The following CELSR2 variants were observed in gnomAD, a reference collection of about 807,000 sequenced individuals.
The protein encoded by CELSR2 is EGF-like protein 2.
CELSR2 carries 81 observed loss-of-function variants against 251.6 expected under a neutral mutation model. The ratio of observed to expected loss-of-function variants is 0.32; its 90% CI spans 0.27 to 0.39. CELSR2 has a LOEUF of 0.39. CELSR2 is among the 10% of genes least tolerant of loss of function. The pLI is 1.00. For synonymous variants in CELSR2, 1,721 were observed against 1,670.5 expected, an observed-to-expected ratio of 1.03 and a Z score of -0.74; for missense variants, 3,365 against 3,947.7, an observed-to-expected ratio of 0.85 and a Z score of 3.96.
At position 109,268,041 on chromosome 1, in the gene CELSR2, A is replaced by T; in HGVS notation, c.6299A>T (p.Gln2100Leu). ...TQRGFGLSAT[Q>L]DVHFTENLLR... ...CGGGGCTTTGGGCTGTCTGCCACAC[A>T]GGACGTGCACTTCACTGAGGTGGGG... Residue 2100 changes from glutamine to leucine, a missense_variant, in exon 17 of 34, where the codon CAG becomes CTG. Coordinates refer to ENST00000271332, the MANE Select transcript of CELSR2 (RefSeq NM_001408.3). The T allele has an allele frequency of 6.2e-7, 1 of 1,603,522 alleles. No individual in the cohort carries two copies. The highest frequency in any genetic ancestry group is 8.5e-7 in the Non-Finnish European group (1 of 1,176,836).
chr1:109,261,277 G>A lies in CELSR2; in HGVS notation c.4181+13G>A. ...CCCTGGCCCTCTCGTGAGTGGCTGG[G>A]CACTGGGGGTGGGGAGTGGGCCTGG... On this transcript the variant is annotated intron_variant, in intron 3 of 33. Coordinates refer to ENST00000271332, the MANE Select transcript of CELSR2 (RefSeq NM_001408.3). This position sits in a 1 kb window ranked among gnomAD's most constrained non-coding sequence, Gnocchi z 4.8. The A allele has an allele frequency of 1.9e-6, 3 of 1,610,288 alleles. No homozygotes were observed. Among genetic ancestry groups the A allele is most frequent in the Admixed American group, 1.7e-5 (1 of 59,962 alleles).
Position 109,259,026 on chromosome 1 carries a change from G to T in CELSR2, c.3905G>T (p.Arg1302Leu), listed in dbSNP as rs769079305. 1.9e-6 allele frequency: 3 copies of T among 1,599,204 alleles called. No homozygotes were observed. Among genetic ancestry groups the T allele is most frequent in the Non-Finnish European group, 1.7e-6 (2 of 1,177,032 alleles). Residue 1302 changes from arginine (R) to leucine (L), a missense_variant, in exon 2 of 34, where the codon CGC becomes CTC. Physicochemically the swap from Arg to Leu is moderately radical, Grantham distance 102. Transcript: ENST00000271332. ...CYSRPCGPHG[R>L]CRSREGGYTC... ...TCGCGGCCCTGTGGCCCCCACGGGCGCTGCCGCAGCCGCGAGGGCGGCTAC... is the reference window on the plus strand; with the variant it reads ...TCGCGGCCCTGTGGCCCCCACGGGCTCTGCCGCAGCCGCGAGGGCGGCTAC...
rs1318010194 is a variant in CELSR2 at position 109,261,201 on chromosome 1, C to T, written c.4118C>T (p.Pro1373Leu). 6.2e-7 allele frequency: 1 copy of T among 1,614,120 alleles called. No individual in the cohort carries two copies. Among genetic ancestry groups the T allele is most frequent in the South Asian group, 1.1e-5 (1 of 91,086 alleles). The change falls in exon 3 of 34, where the codon CCC becomes CTC. Residue 1373 changes from proline to leucine, a missense_variant. By Grantham distance (98) the Pro-to-Leu change is moderately conservative (BLOSUM62 -3). Transcript: ENST00000271332. This position sits in a 1 kb window ranked among gnomAD's most constrained non-coding sequence, Gnocchi z 4.8. ...PYCQVTTRSF[P>L]AHSFITFRGL... ...TGCCAGGTGACCACGCGCAGCTTCC[C>T]CGCCCACTCCTTCATCACCTTTCGC...
intron 1 of CELSR2, among the ~76,000 whole-genome samples, chr1:109,253,593 G>A (rs1212121057): frequency 6.6e-6 from 1 of 152,228 alleles, no homozygotes; most frequent in Non-Finnish European, 1.5e-5. Context: ...CCTTCTGCTG[G>A]GCTGGGCTGG....
rs750022325 is a variant in CELSR2, at chr1:109,258,944, C to T, written c.3823C>T (p.Arg1275Cys). 1.7e-5 allele frequency: 28 copies of T among 1,611,788 alleles called. No individual in the cohort carries two copies. Among genetic ancestry groups the T allele is most frequent in the East Asian group, 2.2e-5 (1 of 44,874 alleles). The stretch of plus-strand genomic sequence containing the variant: ...CCACCCCGTCGGAGGGCTGCGCTGC[C>T]GCTGCCCGCCCGGCTTCACGGGTGA... ...PIHPVGGLRCRCPPGFTGDYC... is the reference protein window; with the variant it reads ...PIHPVGGLRCCCPPGFTGDYC... Residue 1275 changes from arginine (R) to cysteine (C), a missense_variant, in exon 2 of 34, where the codon CGC becomes TGC. Coordinates refer to ENST00000271332, the MANE Select transcript of CELSR2 (RefSeq NM_001408.3).
intron 2 of CELSR2, among the ~76,000 whole-genome samples, chr1:109,259,497 G>A (rs1335688139): frequency 6.6e-6 from 1 of 152,230 alleles, no homozygotes; most frequent in Admixed American, 6.5e-5. Context: ...GGAAACAGCT[G>A]GTGGCATGGA....
At position 109,258,951 on chromosome 1, in the gene CELSR2, C is replaced by T. The variant is rs561330579; in HGVS notation, c.3830C>T (p.Pro1277Leu). ...GTCGGAGGGCTGCGCTGCCGCTGCC[C>T]GCCCGGCTTCACGGGTGACTACTGC... is the stretch of plus-strand genomic sequence containing the variant. ...HPVGGLRCRC[P>L]PGFTGDYCET... The change falls in exon 2 of 34, where the codon CCG (proline) becomes CTG (leucine). Residue 1277 changes from proline (P) to leucine (L), a missense_variant. By Grantham distance (98) the Pro-to-Leu change is moderately conservative (BLOSUM62 -3). This residue lies in a region of CELSR2 where 2,093 missense variants were observed against 2,382.8 expected (regional missense o/e 0.88). Coordinates refer to ENST00000271332, the MANE Select transcript of CELSR2 (RefSeq NM_001408.3). 66 of 1,611,510 alleles carry T rather than the reference C, an allele frequency of 4.1e-5. 1 individual carries two copies. The highest frequency in any genetic ancestry group is 2.1e-4 in the South Asian group (19 of 91,020).
At position 109,269,331 on chromosome 1, in the gene CELSR2, G is replaced by A. The variant is rs368186419; in HGVS notation, c.6812+41G>A. 3.7e-5 allele frequency: 59 copies of A among 1,611,388 alleles called. No homozygotes were observed. Among genetic ancestry groups the A allele is most frequent in the Non-Finnish European group, 4.8e-5 (57 of 1,179,284 alleles). ...ACAGGTGTGGGTAGGGGTATGGGTC[G>A]GGCGGTGAGTGCTGAGGCATGGAGG... On this transcript the variant is annotated intron_variant, in intron 20 of 33. Coordinates refer to ENST00000271332, the MANE Select transcript of CELSR2 (RefSeq NM_001408.3). The surrounding 1 kb of genome is among the most constrained non-coding windows in gnomAD (Gnocchi z 6.4).
intron 5 of CELSR2, 142 bp from the exon 6 acceptor site, chr1:109,262,145 G>C (rs866632135): frequency 1.6e-6 from 2 of 1,238,240 alleles, no homozygotes; most frequent in African/African-American, 3.0e-5. Context: ...CATAAACCAC[G>C]TGAGCACACG....
rs773968930 is a variant in CELSR2, at chr1:109,272,673, C to A, written c.8088C>A (p.Pro2696=). The change falls in exon 30 of 34, where the codon CCC becomes CCA. Residue 2696 remains proline (P), a synonymous_variant. Transcript: ENST00000271332. The part of the protein sequence containing the change: ...EESALNPGQG[P]PGLGDPGSLF... ...CCGCACTGAACCCTGGCCAAGGGCC[C>A]CCTGGCCTGGGGGATCCAGGCAGCC... 9.3e-6 allele frequency: 15 copies of A among 1,613,822 alleles called. No homozygotes were observed. Among genetic ancestry groups the A allele is most frequent in the Admixed American group, 1.7e-5 (1 of 60,030 alleles).
Position 109,252,452 on chromosome 1 carries a change from C to T in CELSR2, c.2373C>T (p.Gly791=). ...YTLAITARDN[G]IPQKSDTTYL... is the part of the protein sequence containing the mutation. ...TGGCCATTACTGCTCGGGACAATGG[C>T]ATTCCCCAGAAGTCCGACACCACCT... is the stretch of plus-strand genomic sequence containing the variant. Residue 791 remains glycine (G), a synonymous_variant, in exon 1 of 34, where the codon GGC becomes GGT. Coordinates refer to ENST00000271332, the MANE Select transcript of CELSR2 (RefSeq NM_001408.3). The surrounding 1 kb of genome is among the most constrained non-coding windows in gnomAD (Gnocchi z 4.8). 6.2e-7 allele frequency: 1 copy of T among 1,613,754 alleles called. No homozygotes were observed. Among genetic ancestry groups the T allele is most frequent in the Non-Finnish European group, 8.5e-7 (1 of 1,180,024 alleles).
At chr1:109,263,477 G>A in intron 8 of CELSR2, 134 bp from the exon 9 acceptor site, 1 of 1,412,574 alleles carries the variant, frequency 7.1e-7, no homozygotes, top group Non-Finnish European at 9.7e-7. Context: ...CCCAGGGCAG[G>A]TACGCACTTT....
chr1:109,269,812 C>T lies in CELSR2; in HGVS notation c.7099C>T (p.Arg2367Trp), dbSNP rs1350540326. ...CTTCGCTGTGCTCATGGACGTTTCT[C>T]GGCGGGAGGTCGGGCCCACAGGGGC... ...TSFAVLMDVS[R>W]RENGEILPLK... The change falls in exon 22 of 34, where the codon CGG (arginine) becomes TGG (tryptophan). Residue 2367 changes from arginine (R) to tryptophan (W), a missense_variant. By Grantham distance (101) the Arg-to-Trp change is moderately radical. Around this residue, in one of 5 missense-constraint regions of CELSR2, gnomAD observed 2,093 missense variants for 2,382.8 expected, o/e 0.88. Transcript: ENST00000271332. The surrounding 1 kb of genome is among the most constrained non-coding windows in gnomAD (Gnocchi z 6.4). The T allele has an allele frequency of 7.4e-6, 12 of 1,612,644 alleles. No individual in the cohort carries two copies. The highest frequency in any genetic ancestry group is 2.2e-5 in the East Asian group (1 of 44,872).
chr1:109,250,126 C>CGCCGCTGCTGCTGCTGTTGCTGCT lies in CELSR2; in HGVS notation c.49_50insCGCTGCTGCTGCTGTTGCTGCTGC (p.Pro16_Leu17insProLeuLeuLeuLeuLeuLeuLeu). The CGCCGCTGCTGCTGCTGTTGCTGCT allele has an allele frequency of 6.4e-7, 1 of 1,573,110 alleles. No individual in the cohort carries two copies. Among genetic ancestry groups the CGCCGCTGCTGCTGCTGTTGCTGCT allele is most frequent in the Non-Finnish European group, 8.6e-7 (1 of 1,163,356 alleles). On this transcript the variant is annotated inframe_insertion, in exon 1 of 34. Coordinates refer to ENST00000271332, the MANE Select transcript of CELSR2 (RefSeq NM_001408.3). This position sits in a 1 kb window ranked among gnomAD's most constrained non-coding sequence, Gnocchi z 4.4. ...GTCCCCCTCCCAACGCCGCCGCCGC[C>CGCCGCTGCTGCTGCTGTTGCTGCT]GCTGCTGCTGCTGTTGCTGCTGCTG...
intron 15 of CELSR2, 107 bp from the exon 16 acceptor site, chr1:109,267,441 C>A: frequency 1.0e-6 from 1 of 970,716 alleles, no homozygotes; most frequent in Non-Finnish European, 1.5e-6. Flanking sequence ...TTGCTAGTTA[C>A]TGTCCCCGGC....
chr1:109,253,525 G>C, intron 1 of CELSR2, 136 bp downstream of exon 1: 1 of 1,432,176 alleles, frequency 7.0e-7, no homozygotes, highest in Non-Finnish European at 9.1e-7. Context: ...AGAGCAGGAG[G>C]GGCAAGAGCC....
chr1:109,264,167 T>G lies in CELSR2; in HGVS notation c.5091T>G (p.Gly1697=). 1 of 1,611,470 alleles carries G rather than the reference T, an allele frequency of 6.2e-7. No homozygotes were observed. The highest frequency in any genetic ancestry group is 8.5e-7 in the Non-Finnish European group (1 of 1,178,502). The change falls in exon 10 of 34, where the codon GGT becomes GGG. Residue 1697 remains glycine (G), a synonymous_variant. Transcript: ENST00000271332. ...LRLEPGRAND[G]DWHHAQLALG... is the part of the protein sequence containing the mutation. The stretch of plus-strand genomic sequence containing the variant: ...TGGAGCCAGGCCGGGCCAATGACGG[T>G]GACTGGCACCATGCACAGCTGGCAC...
Position 109,271,593 on chromosome 1 carries a change from C to G in CELSR2, c.7804-7C>G. On this transcript the variant is annotated splice_region_variant and splice_polypyrimidine_tract_variant and intron_variant, in intron 27 of 33. Transcript: ENST00000271332. ...TGCACAGACCGTTGCTGCCTCTTGC[C>G]TGCCAGGGCCCCTTCATCTTCCTCT... The G allele has an allele frequency of 6.2e-7, 1 of 1,614,164 alleles. No individual in the cohort carries two copies. Among genetic ancestry groups the G allele is most frequent in the Non-Finnish European group, 8.5e-7 (1 of 1,180,044 alleles).
intron 8 of CELSR2, 45 bp from the exon 9 acceptor site, chr1:109,263,566 T>C: frequency 6.2e-7 from 1 of 1,603,360 alleles, no homozygotes; most frequent in Non-Finnish European, 8.5e-7. Context: ...CCCAGGGCCC[T>C]CTGAGGCTCC....
Sources: gnomAD v4.1 joint callset for allele counts (sites outside exome capture counted in the v4.1 genomes callset) on GRCh38, gnomAD v4.1.1 for gene constraint, gnomAD v4.1.1 regional missense constraint, Gnocchi (gnomAD v3.1) non-coding constraint, MANE v1.5 for transcripts, NCBI Gene and HGNC (gene_info 2026-07-23, HGNC 2026-07-21) for gene names.